PARD3B: variants seen among roughly 807,000 people sequenced by gnomAD.
PARD3B encodes partitioning defective 3 homolog B.
PARD3B carries 103 observed loss-of-function variants against 130.2 expected under a neutral mutation model. That is an observed-to-expected ratio of 0.79 (90% CI 0.67 to 0.93). PARD3B has a LOEUF of 0.93. Ranked by LOEUF, PARD3B falls within the 40% of genes least tolerant of loss-of-function variation. The probability of loss-of-function intolerance (pLI) is 0.00; values close to 1 mark genes in which losing one functional copy is unlikely to be tolerated. For synonymous variants in PARD3B, 583 were observed against 553.2 expected (o/e 1.05, Z -0.76); for missense variants, 1,609 against 1,499.2 (o/e 1.07, Z -1.21).
chr2:205,453,331 T>C (rs1430003251), intron 20 of PARD3B, among the ~76,000 whole-genome samples: 1 of 151,910 alleles, frequency 6.6e-6, no homozygotes, highest in Non-Finnish European at 1.5e-5. Context: ...TTAGAAGAGC[T>C]GGAGTGTAGA....
At chr2:205,371,313 A>G (rs113762215) in intron 18 of PARD3B, among the ~76,000 whole-genome samples, 5 of 152,324 alleles carry the variant, frequency 3.3e-5, no homozygotes, top group African/African-American at 7.2e-5. Context: ...GGAAAGTTGT[A>G]TAAATAACCA....
chr2:205,083,044 C>A (rs1159159483), intron 4 of PARD3B, among the ~76,000 whole-genome samples: 1 of 151,754 alleles, frequency 6.6e-6, no homozygotes, highest in Non-Finnish European at 1.5e-5. Context: ...CTCAGCCTCC[C>A]AAGTTGCTGG....
chr2:205,215,303 T>C (rs188188259), intron 15 of PARD3B, among the ~76,000 whole-genome samples: 19 of 151,722 alleles, frequency 1.3e-4, no homozygotes, highest in African/African-American at 4.4e-4. Context: ...TTCAGCAACA[T>C]CCTGTAAAGT....
At chr2:204,668,644 G>A (rs1366169027) in intron 1 of PARD3B, among the ~76,000 whole-genome samples, 10 of 151,950 alleles carry the variant, frequency 6.6e-5, no homozygotes, top group Admixed American at 6.6e-5. Context: ...CATTTAATTC[G>A]GAATATTCTT....
chr2:204,798,855 G>A (rs1247908177), intron 2 of PARD3B, among the ~76,000 whole-genome samples: 1 of 152,052 alleles, frequency 6.6e-6, no homozygotes, highest in Non-Finnish European at 1.5e-5. Flanking sequence ...GGAGCCGTTG[G>A]TCCTTGAATA....
At chr2:205,248,069 C>T (rs1467393435) in intron 16 of PARD3B, among the ~76,000 whole-genome samples, 1 of 152,106 alleles carries the variant, frequency 6.6e-6, no homozygotes, top group African/African-American at 2.4e-5. Context: ...GCTGGGACTA[C>T]ATGTGCATGC....
At chr2:205,482,906 A>G (rs1194389591) in intron 20 of PARD3B, among the ~76,000 whole-genome samples, 1 of 151,950 alleles carries the variant, frequency 6.6e-6, no homozygotes, top group Non-Finnish European at 1.5e-5. Context: ...TTTTTTTTTA[A>G]AGCTCCCTCC....
At chr2:205,505,563 G>A (rs941665180) in intron 21 of PARD3B, among the ~76,000 whole-genome samples, 1 of 152,158 alleles carries the variant, frequency 6.6e-6, no homozygotes, top group African/African-American at 2.4e-5. Flanking sequence ...AAGTAAAACA[G>A]TCTGGTGAGT....
chr2:205,458,062 T>C lies in PARD3B; in HGVS notation c.3044+17390T>C, dbSNP rs1282863651. On this transcript the variant is annotated intron_variant, in intron 20 of 22. Transcript: ENST00000406610. This position sits in a 1 kb window ranked among gnomAD's most constrained non-coding sequence, Gnocchi z 4.8. ...AATGTATCATTTTTCTTTGACTGCCTTAAATTTTTTCCTTTTTGTCTTGGT... is the reference window on the plus strand; with the variant it reads ...AATGTATCATTTTTCTTTGACTGCCCTAAATTTTTTCCTTTTTGTCTTGGT... Among the ~76,000 whole-genome samples the C allele has an allele frequency of 1.3e-5, 2 of 152,156 alleles. No individual in the cohort carries two copies. Among genetic ancestry groups the C allele is most frequent in the African/African-American group, 2.4e-5 (1 of 41,444 alleles).
chr2:205,345,490 A>G (rs533030615), intron 18 of PARD3B, among the ~76,000 whole-genome samples: 2 of 152,206 alleles, frequency 1.3e-5, no homozygotes, highest in African/African-American at 4.8e-5. Flanking sequence ...GAGGTCAGAG[A>G]GACCTTCCTG....
At chr2:205,177,261 A>G (rs1363820001) in intron 13 of PARD3B, among the ~76,000 whole-genome samples, 1 of 152,162 alleles carries the variant, frequency 6.6e-6, no homozygotes, top group Non-Finnish European at 1.5e-5. Flanking sequence ...ATACATATTC[A>G]TTGCAGAAAA....
In PARD3B at chr2:205,021,790, C is replaced by A. The variant is rs1319797459; in HGVS notation, c.395-25791C>A. Among the ~76,000 whole-genome samples the A allele has an allele frequency of 2.0e-5, 3 of 152,062 alleles. No homozygotes were observed. Among genetic ancestry groups the A allele is most frequent in the Non-Finnish European group, 4.4e-5 (3 of 67,996 alleles). On this transcript the variant is annotated intron_variant, in intron 3 of 22. Coordinates refer to ENST00000406610, the MANE Select transcript of PARD3B (RefSeq NM_001302769.2). This position sits in a 1 kb window ranked among gnomAD's most constrained non-coding sequence, Gnocchi z 4.5. ...AATTGGGTCTAGTAATATATCAAGT[C>A]AATGGCAGAAACACAGGGAACTCAG... is the stretch of plus-strand genomic sequence containing the variant.
At chr2:205,495,489 A>G (rs2049891705) in intron 20 of PARD3B, among the ~76,000 whole-genome samples, 1 of 152,192 alleles carries the variant, frequency 6.6e-6, no homozygotes, top group Admixed American at 6.5e-5. Context: ...GGTTATTGAC[A>G]CTTTTACTAG....
intron 20 of PARD3B, among the ~76,000 whole-genome samples, chr2:205,484,109 G>A (rs368960904): frequency 2.6e-5 from 4 of 152,108 alleles, no homozygotes; most frequent in African/African-American, 9.7e-5. Flanking sequence ...AGCAGAATTC[G>A]GGAAACAAGG....
intron 21 of PARD3B, among the ~76,000 whole-genome samples, chr2:205,510,187 T>C (rs1380466172): frequency 6.6e-6 from 1 of 152,180 alleles, no homozygotes; most frequent in Non-Finnish European, 1.5e-5. Context: ...TACTGTCTCC[T>C]TGAAGTACTA....
chr2:204,736,459 A>G (rs1295015180), intron 2 of PARD3B, among the ~76,000 whole-genome samples: 1 of 151,928 alleles, frequency 6.6e-6, no homozygotes, highest in Non-Finnish European at 1.5e-5. Flanking sequence ...TCTAATGTCT[A>G]TTATATCACT....
chr2:204,976,732 G>A lies in PARD3B; in HGVS notation c.394+11409G>A, dbSNP rs527303911. ...AGCAATTCTTCTACCTCAGCCTCCTGAGTAGCTGGGACTAGAGGTGCGGGC... is the reference window on the plus strand; with the variant it reads ...AGCAATTCTTCTACCTCAGCCTCCTAAGTAGCTGGGACTAGAGGTGCGGGC... On this transcript the variant is annotated intron_variant, in intron 3 of 22. Coordinates refer to ENST00000406610, the MANE Select transcript of PARD3B (RefSeq NM_001302769.2). Among the ~76,000 whole-genome samples the A allele has an allele frequency of 2.0e-5, 3 of 150,790 alleles. No individual in the cohort carries two copies. The East Asian group carries it at 5.9e-4, about 30-fold the overall frequency.
chr2:205,523,172 ATATACCCTTTTC>A (rs1488421775), intron 21 of PARD3B, among the ~76,000 whole-genome samples: 133 of 149,796 alleles, frequency 8.9e-4, no homozygotes, highest in African/African-American at 3.0e-3. Context: ...TTCCTGTTTT[ATATACCCTTTTC>A]TGTTTTCTTA....
intron 1 of PARD3B, among the ~76,000 whole-genome samples, chr2:204,613,974 T>C (rs765755083): frequency 2.0e-5 from 3 of 152,122 alleles, no homozygotes; most frequent in East Asian, 1.9e-4. Flanking sequence ...TCCTTCGTGA[T>C]TGGTGGTGGT....
Sources: gnomAD v4.1 joint callset for allele counts (sites outside exome capture counted in the v4.1 genomes callset) on GRCh38, gnomAD v4.1.1 for gene constraint, Gnocchi (gnomAD v3.1) non-coding constraint, MANE v1.5 for transcripts, NCBI Gene and HGNC (gene_info 2026-07-23, HGNC 2026-07-21) for gene names.